The following QRICH2 variants were observed in gnomAD, a reference collection of about 807,000 sequenced individuals.
QRICH2 encodes glutamine-rich protein 2.
In QRICH2, 119 loss-of-function variants were observed where a neutral mutation model predicts 168.3. That is an observed-to-expected ratio of 0.71 (90% CI 0.61 to 0.82). QRICH2 has a LOEUF of 0.82. QRICH2 is among the 40% of genes least tolerant of loss of function. The pLI, the probability that QRICH2 is intolerant of heterozygous loss-of-function variation, is 0.00. For missense variants in QRICH2, 2,241 were observed against 2,491.6 expected (o/e 0.90, Z 2.14); for synonymous variants, 894 against 951.2 (o/e 0.94, Z 1.11).
In QRICH2 at chr17:76,275,729, G is replaced by C. The variant is rs566968960; in HGVS notation, c.5482+90C>G. Reference sequence around the variant, plus strand: ...TCGGCTCCCAGGCCCTCCCCTCTCCGGGGAGATAAAGGCCCTACATGAGCA... The same window carrying C: ...TCGGCTCCCAGGCCCTCCCCTCTCCCGGGAGATAAAGGCCCTACATGAGCA... On this transcript the variant is annotated intron_variant, in intron 18 of 18. Coordinates refer to ENST00000680821, the MANE Select transcript of QRICH2 (RefSeq NM_001388453.1). 3 of 1,486,288 alleles carry C rather than the reference G, an allele frequency of 2.0e-6. 1 individual carries two copies. The highest frequency in any genetic ancestry group is 2.7e-6 in the Non-Finnish European group (3 of 1,112,948). The allele number at this position is 1,486,288 out of a possible 1,614,324, so 92.1% of individuals were successfully genotyped here. A position where few individuals can be genotyped will look rare whatever the true frequency, so the allele number is the denominator to read the frequency against.
intron 6 of QRICH2, 42 bp downstream of exon 6, chr17:76,287,758 G>A (rs2070916941): frequency 6.1e-6 from 9 of 1,479,276 alleles, no homozygotes; most frequent in South Asian, 2.3e-5. Flanking sequence ...CTGAGAATTC[G>A]TGATGCCAGG....
At chr17:76,277,901 G>A in intron 15 of QRICH2, 88 bp downstream of exon 15, 1 of 1,413,772 alleles carries the variant, frequency 7.1e-7, no homozygotes. Context: ...CAGCAGTGGG[G>A]CAAGGCATTT....
chr17:76,279,019 C>T, intron 14 of QRICH2, 22 bp downstream of exon 14: 1 of 1,588,006 alleles, frequency 6.3e-7, no homozygotes, highest in South Asian at 1.1e-5. Flanking sequence ...CCATATGTCC[C>T]ATATGCTGTC....
In QRICH2 at chr17:76,304,445, C is replaced by T. The variant is rs761280412; in HGVS notation, c.675G>A (p.Ala225=). Residue 225 remains alanine (A), a synonymous_variant, in exon 3 of 19, where the codon GCG becomes GCA. Coordinates refer to ENST00000680821, the MANE Select transcript of QRICH2 (RefSeq NM_001388453.1). ...TMVTWEELEQ[A]ITDGWRASQA... ...GTGAGGCTCTCCAGCCGTCCGTAAT[C>T]GCCTGCTCCAGCTCTTCCCAGGTGA... The T allele has an allele frequency of 3.7e-6, 6 of 1,613,542 alleles. No individual in the cohort carries two copies. Among genetic ancestry groups the T allele is most frequent in the East Asian group, 2.2e-5 (1 of 44,888 alleles).
chr17:76,308,609 C>T (rs912381342), upstream of QRICH2: 8 of 434,214 alleles, frequency 1.8e-5, no homozygotes, highest in African/African-American at 1.7e-4. Flanking sequence ...GGCCCTGGTC[C>T]CCTCAGACAG....
At position 76,293,347 on chromosome 17, in the gene QRICH2, T is replaced by A. The variant is rs762692570; in HGVS notation, c.1380A>T (p.Thr460=). The A allele has an allele frequency of 4.3e-6, 7 of 1,614,216 alleles. No homozygotes were observed. Among genetic ancestry groups the A allele is most frequent in the Non-Finnish European group, 5.9e-6 (7 of 1,180,052 alleles). The change falls in exon 4 of 19, where the codon ACA becomes ACT. Residue 460 remains threonine (T), a synonymous_variant. Transcript: ENST00000680821. ...TGACTGAAACCAGACCATGTTGGTC[T>A]GTGCTAGGTAGTTCCAATCCTTGCT... ...RDQQGLELPS[T]DQHGLVSVSA...
intron 3 of QRICH2, among the ~76,000 whole-genome samples, chr17:76,297,505 T>G (rs2070816109): frequency 1.6e-5 from 2 of 125,354 alleles, no homozygotes; most frequent in African/African-American, 8.4e-5. Context: ...AGACTCCATC[T>G]CAAAAGAAAA....
At position 76,305,003 on chromosome 17, in the gene QRICH2, ACACACACACAGATGCG is replaced by A. The variant is rs1285039875; in HGVS notation, c.535-78_535-63del. On this transcript the variant is annotated intron_variant, in intron 1 of 18. Coordinates refer to ENST00000680821, the MANE Select transcript of QRICH2 (RefSeq NM_001388453.1). ...CCCCTACACACGCACACTCACATGC[ACACACACACAGATGCG>A]CACACACACTCTCACACTCAGACAC... 6.7e-6 allele frequency: 7 copies of A among 1,050,630 alleles called. No homozygotes were observed. The East Asian group carries it at 9.6e-5, about 14-fold the overall frequency. The allele number at this position is 1,050,630 out of a possible 1,614,324, so 65.1% of individuals were successfully genotyped here.
At position 76,292,023 on chromosome 17, in the gene QRICH2, C is replaced by G. The variant is rs533353580; in HGVS notation, c.2704G>C (p.Val902Leu). The change falls in exon 4 of 19, where the codon GTC (valine) becomes CTC (leucine). Residue 902 changes from valine to leucine, a missense_variant. Coordinates refer to ENST00000680821, the MANE Select transcript of QRICH2 (RefSeq NM_001388453.1). ...IQPGADQPGL[V>L]QPGAGQLGMV... ...CCCAGCTGACCTGCACCAGGCTGGA[C>G]CAAACCAGGCTGATCTGCACCAGGT... is the stretch of plus-strand genomic sequence containing the variant. 1 of 1,614,086 alleles carries G rather than the reference C, an allele frequency of 6.2e-7. No individual in the cohort carries two copies. Among genetic ancestry groups the G allele is most frequent in the Non-Finnish European group, 8.5e-7 (1 of 1,180,052 alleles).
chr17:76,307,287 A>C lies in QRICH2; in HGVS notation c.534+178T>G, dbSNP rs1027732017. 6.6e-6 allele frequency among the ~76,000 whole-genome samples: 1 copy of C among 152,056 alleles called. No homozygotes were observed. Among genetic ancestry groups the C allele is most frequent in the Admixed American group, 6.6e-5 (1 of 15,260 alleles). ...ACGTCTTGCAGCCCCGTGGACTGCA[A>C]GGTAGAGCATGGGCCACTCTATTTA... On this transcript the variant is annotated intron_variant, in intron 1 of 18. Coordinates refer to ENST00000680821, the MANE Select transcript of QRICH2 (RefSeq NM_001388453.1). The surrounding 1 kb of genome is among the most constrained non-coding windows in gnomAD (Gnocchi z 5.3).
chr17:76,305,445 C>T (rs1435389122), intron 1 of QRICH2, among the ~76,000 whole-genome samples: 1 of 152,332 alleles, frequency 6.6e-6, no homozygotes, highest in South Asian at 2.1e-4. Flanking sequence ...AGATTACAGG[C>T]AGGAGCCCCT....
At chr17:76,301,282 T>C (rs571534767) in intron 3 of QRICH2, among the ~76,000 whole-genome samples, 1 of 151,050 alleles carries the variant, frequency 6.6e-6, no homozygotes, top group African/African-American at 2.4e-5. Flanking sequence ...ACAAAATATA[T>C]GATAGGCCAG....
At chr17:76,284,439 GA>G (rs2070844726) in intron 7 of QRICH2, among the ~76,000 whole-genome samples, 2 of 141,030 alleles carry the variant, frequency 1.4e-5, no homozygotes, top group South Asian at 4.3e-4. Context: ...AACATGTAAA[GA>G]GCTCTTTCAA....
Position 76,304,479 on chromosome 17 carries a change from ACTT to A in QRICH2, c.638_640del (p.Glu213del), listed in dbSNP as rs763544502. ...CAGCTCTTCCCAGGTGACCATGGTGACTTCTTCTGCACCAGGAACCAAACTCAG... is the reference window on the plus strand; with the variant it reads ...CAGCTCTTCCCAGGTGACCATGGTGACTTCTGCACCAGGAACCAAACTCAG... On this transcript the variant is annotated inframe_deletion, in exon 3 of 19. Transcript: ENST00000680821. 3.7e-6 allele frequency: 6 copies of A among 1,613,776 alleles called. No individual in the cohort carries two copies. The highest frequency in any genetic ancestry group is 3.3e-5 in the South Asian group (3 of 91,068).
chr17:76,291,026 A>T lies in QRICH2; in HGVS notation c.3701T>A (p.Leu1234Gln). The T allele has an allele frequency of 2.5e-6, 4 of 1,612,218 alleles. No homozygotes were observed. Among genetic ancestry groups the T allele is most frequent in the Non-Finnish European group, 3.4e-6 (4 of 1,178,352 alleles). ...CAAGCGGCACCCACCCATCTGTGCCAGCAGGAACTGGATCTTCTCCAAGTC... is the reference window on the plus strand; with the variant it reads ...CAAGCGGCACCCACCCATCTGTGCCTGCAGGAACTGGATCTTCTCCAAGTC... ...QTDLEKIQFL[L>Q]AQMVKRTIPP... The change falls in exon 4 of 19, where the codon CTG becomes CAG. Residue 1234 changes from leucine to glutamine, a missense_variant. This residue lies in a region of QRICH2 where 2,047 missense variants were observed against 2,303.8 expected (regional missense o/e 0.89). Coordinates refer to ENST00000680821, the MANE Select transcript of QRICH2 (RefSeq NM_001388453.1).
At chr17:76,289,953 A>G in intron 5 of QRICH2, 39 bp downstream of exon 5, 1 of 923,628 alleles carries the variant, frequency 1.1e-6, no homozygotes, top group Non-Finnish European at 1.5e-6. Flanking sequence ...CTCCATCTCA[A>G]AAAAAAAAAA....
At chr17:76,295,553 G>T (rs2070782008) in intron 3 of QRICH2, among the ~76,000 whole-genome samples, 1 of 151,992 alleles carries the variant, frequency 6.6e-6, no homozygotes, top group Non-Finnish European at 1.5e-5. Context: ...CTACTCAGGA[G>T]AATCACTTGA....
rs1404407891 is a variant in QRICH2 at position 76,293,618 on chromosome 17, C to T, written c.1109G>A (p.Arg370Lys). The T allele has an allele frequency of 6.2e-6, 10 of 1,614,054 alleles. 1 individual carries two copies. The East Asian group carries it at 2.2e-4, about 36-fold the overall frequency. ...GPVQQDLPLA[R>K]DQPSSVPASQ... Reference sequence around the variant, plus strand: ...AGCGGGCACACTACTGGGCTGGTCTCTGGCCAAGGGTAAGTCCTGTTGAAC... The same window carrying T: ...AGCGGGCACACTACTGGGCTGGTCTTTGGCCAAGGGTAAGTCCTGTTGAAC... The change falls in exon 4 of 19, where the codon AGA (arginine) becomes AAA (lysine). Residue 370 changes from arginine (R) to lysine (K), a missense_variant. Arg to Lys is a conservative substitution (Grantham distance 26). Coordinates refer to ENST00000680821, the MANE Select transcript of QRICH2 (RefSeq NM_001388453.1).
At chr17:76,295,043 A>C (rs1407832558) in intron 3 of QRICH2, among the ~76,000 whole-genome samples, 1 of 150,842 alleles carries the variant, frequency 6.6e-6, no homozygotes, top group Non-Finnish European at 1.5e-5. Context: ...CATCCTGGCC[A>C]ACATGATGAA....
Sources: allele counts gnomAD v4.1 joint callset (sites outside exome capture counted in the v4.1 genomes callset), GRCh38; gene constraint gnomAD v4.1.1; regional missense constraint gnomAD v4.1.1; non-coding constraint Gnocchi (gnomAD v3.1); transcripts MANE v1.5; gene names NCBI Gene and HGNC (gene_info 2026-07-23, HGNC 2026-07-21).